Variants in C16orf87 observed in about 807,000 individuals in gnomAD.
C16orf87 encodes the protein UPF0547 protein C16orf87.
A neutral mutation model predicts 21.0 loss-of-function variants in C16orf87; 13 were observed. The ratio of observed to expected loss-of-function variants is 0.62; its 90% CI spans 0.40 to 0.98. C16orf87 has a LOEUF of 0.98. C16orf87 is among the 50% of genes least tolerant of loss of function. C16orf87 has a pLI of 0.00. For missense variants in C16orf87, 113 were observed against 180.4 expected, an observed-to-expected ratio of 0.63 and a Z score of 2.14; for synonymous variants, 49 against 60.2, an observed-to-expected ratio of 0.81 and a Z score of 0.86.
intron 3 of C16orf87, among the ~76,000 whole-genome samples, chr16:46,803,272 T>C (rs1281869426): frequency 6.6e-6 from 1 of 152,154 alleles, no homozygotes; most frequent in South Asian, 2.1e-4. Flanking sequence ...ATGAAGACAA[T>C]ATTTATTTCT....
intron 1 of C16orf87, among the ~76,000 whole-genome samples, chr16:46,828,681 C>A (rs1959724490): frequency 6.6e-6 from 1 of 152,142 alleles, no homozygotes; most frequent in South Asian, 2.1e-4. Context: ...ACTGGGAAAT[C>A]TCAAATTTAA....
chr16:46,820,455 AAG>A (rs1182787700), intron 2 of C16orf87, among the ~76,000 whole-genome samples: 12 of 152,342 alleles, frequency 7.9e-5, no homozygotes, highest in African/African-American at 2.6e-4. Context: ...GCTCATATCC[AAG>A]TATTGTTTTG....
Position 46,802,686 on chromosome 16 carries a change from G to GT in C16orf87, c.*265dup, listed in dbSNP as rs908054330. Reference sequence around the variant, plus strand: ...TAACATCCATCCAGCATTTTTGTTGGTTTTTTTTTGTTGTTGGCAAATACA... The same window carrying GT: ...TAACATCCATCCAGCATTTTTGTTGGTTTTTTTTTTGTTGTTGGCAAATACA... On this transcript the variant is annotated 3_prime_UTR_variant, in exon 4 of 4. Transcript: ENST00000285697. 808 of 256,306 alleles carry GT rather than the reference G, an allele frequency of 3.2e-3. No homozygotes were observed. The highest frequency in any genetic ancestry group is 4.3e-3 in the East Asian group (57 of 13,402). The allele number at this position is 256,306 out of a possible 1,614,324, so 15.9% of individuals were successfully genotyped here.
At chr16:46,804,574 T>A (rs1156704159) in intron 3 of C16orf87, among the ~76,000 whole-genome samples, 1 of 152,260 alleles carries the variant, frequency 6.6e-6, no homozygotes, top group Non-Finnish European at 1.5e-5. Flanking sequence ...GTGCCATTGT[T>A]GAGAAAACCA....
intron 2 of C16orf87, 41 bp from the exon 3 acceptor site, chr16:46,809,826 A>G: frequency 3.7e-6 from 5 of 1,334,356 alleles, no homozygotes; most frequent in Non-Finnish European, 5.2e-6. Flanking sequence ...AGGGCTTAGC[A>G]AGAACTGTTT....
chr16:46,820,151 A>C (rs927170713), intron 2 of C16orf87, among the ~76,000 whole-genome samples: 1 of 152,242 alleles, frequency 6.6e-6, no homozygotes, highest in Non-Finnish European at 1.5e-5. Context: ...TAAACAATTC[A>C]TATCTAGCTA....
chr16:46,817,930 A>AAAAAAAAAAAAAC (rs1959256683), intron 2 of C16orf87, among the ~76,000 whole-genome samples: 2 of 150,798 alleles, frequency 1.3e-5, no homozygotes, highest in African/African-American at 2.4e-5. Flanking sequence ...AAAAAAAAAA[A>AAAAAAAAAAAAAC]AAAAAAAAAC....
chr16:46,828,130 G>A (rs896232444), intron 1 of C16orf87, among the ~76,000 whole-genome samples: 9 of 151,428 alleles, frequency 5.9e-5, no homozygotes, highest in Non-Finnish European at 8.8e-5. Flanking sequence ...GGGTTTCACC[G>A]TGTTAGCCAG....
In C16orf87 at chr16:46,808,037, G is replaced by A. The variant is rs183717079; in HGVS notation, c.346+1566C>T. The A allele has an allele frequency of 4.7e-3, 2,152 of 455,972 alleles. 14 individuals are homozygous for A. The highest frequency in any genetic ancestry group is 7.4e-3 in the Non-Finnish European group (1,684 of 226,756). The allele number at this position is 455,972 out of a possible 1,614,324, so 28.2% of individuals were successfully genotyped here. A position where few individuals can be genotyped will look rare whatever the true frequency, so the allele number is the denominator to read the frequency against. ...AACTGAAAAGAATGTTGTTTTCTGA[G>A]CCAGGCAGTATTTCTCTCTTTTCCT... is the stretch of plus-strand genomic sequence containing the variant. On this transcript the variant is annotated intron_variant, in intron 3 of 3. Transcript: ENST00000285697.
At chr16:46,803,547 A>C (rs977266341) in intron 3 of C16orf87, among the ~76,000 whole-genome samples, 1 of 152,190 alleles carries the variant, frequency 6.6e-6, no homozygotes, top group South Asian at 2.1e-4. Context: ...AAAAGAAAAT[A>C]AAAATCACTC....
At chr16:46,828,056 T>C (rs1959692126) in intron 1 of C16orf87, among the ~76,000 whole-genome samples, 1 of 152,006 alleles carries the variant, frequency 6.6e-6, no homozygotes, top group South Asian at 2.1e-4. Flanking sequence ...TGCCTCAGCC[T>C]CCCGAGTAGC....
intron 3 of C16orf87, among the ~76,000 whole-genome samples, chr16:46,804,180 T>C (rs897845468): frequency 1.3e-5 from 2 of 152,200 alleles, no homozygotes; most frequent in Admixed American, 6.5e-5. Flanking sequence ...ATCAGGTATT[T>C]TATCATTTTT....
At chr16:46,827,961 C>T (rs1274684851) in intron 1 of C16orf87, among the ~76,000 whole-genome samples, 1 of 146,592 alleles carries the variant, frequency 6.8e-6, no homozygotes, top group Non-Finnish European at 1.5e-5. Context: ...TTTTTTGAGA[C>T]GGAGTCTCTG....
chr16:46,820,791 T>C (rs1456904428), intron 2 of C16orf87, among the ~76,000 whole-genome samples: 2 of 152,228 alleles, frequency 1.3e-5, no homozygotes, highest in South Asian at 2.1e-4. Flanking sequence ...GTCTCCAAAA[T>C]GGCTGTACCA....
chr16:46,803,580 A>G (rs1388326447), intron 3 of C16orf87, among the ~76,000 whole-genome samples: 1 of 152,156 alleles, frequency 6.6e-6, no homozygotes, highest in East Asian at 1.9e-4. Context: ...GTCAGCAAAA[A>G]TCACAATTAA....
chr16:46,821,191 T>C (rs1959399976), intron 2 of C16orf87, among the ~76,000 whole-genome samples: 1 of 152,222 alleles, frequency 6.6e-6, no homozygotes, highest in Non-Finnish European at 1.5e-5. Context: ...TTGCAAATGT[T>C]AGACATTTTC....
chr16:46,805,707 C>T (rs1967910944), intron 3 of C16orf87, among the ~76,000 whole-genome samples: 1 of 152,202 alleles, frequency 6.6e-6, no homozygotes, highest in Non-Finnish European at 1.5e-5. Flanking sequence ...TAGAAACATA[C>T]ACATACGTGG....
At position 46,831,130 on chromosome 16, in the gene C16orf87, T is replaced by C. The variant is rs1416057213; in HGVS notation, c.20A>G (p.Lys7Arg). 1 of 1,578,506 alleles carries C rather than the reference T, an allele frequency of 6.3e-7. No homozygotes were observed. Among genetic ancestry groups the C allele is most frequent in the Non-Finnish European group, 8.6e-7 (1 of 1,160,640 alleles). ...TGATTTGGTGGCCATCTTCACTTTC[T>C]TGGCTCGAGTTGCAGACATGCTCCT... MSATRA[K>R]KVKMATKSCP... is the part of the protein sequence containing the mutation. Residue 7 changes from lysine to arginine, a missense_variant, in exon 1 of 4, where the codon AAG becomes AGG. Physicochemically the swap from Lys to Arg is conservative, Grantham distance 26 (BLOSUM62 2). Coordinates refer to ENST00000285697, the MANE Select transcript of C16orf87 (RefSeq NM_001001436.4).
In C16orf87 at chr16:46,824,714, G is replaced by A. The variant is rs956139765; in HGVS notation, c.67-232C>T. Among the ~76,000 whole-genome samples the A allele has an allele frequency of 3.5e-5, 5 of 141,164 alleles. No homozygotes were observed. In the South Asian group the frequency reaches 1.1e-3, roughly 31 times the overall value. The allele number at this position is 141,164 out of a possible 152,430, so 92.6% of individuals were successfully genotyped here. On this transcript the variant is annotated intron_variant, in intron 1 of 3. Transcript: ENST00000285697. ...GGAGTCTCACTCTGTCACCCAGGCT[G>A]GAGTGCAGTGGCATGATCTAGGCTC...
Sources: gnomAD v4.1 joint callset for allele counts (sites outside exome capture counted in the v4.1 genomes callset) on GRCh38, gnomAD v4.1.1 for gene constraint, MANE v1.5 for transcripts, NCBI Gene and HGNC (gene_info 2026-07-23, HGNC 2026-07-21) for gene names.